The following KIAA0232 variants were observed in gnomAD, a reference collection of about 807,000 sequenced individuals.
The protein encoded by KIAA0232 is KIAA0232, also known as uncharacterized protein KIAA0232.
In KIAA0232, 27 loss-of-function variants were observed where a neutral mutation model predicts 122.0. That is an observed-to-expected ratio of 0.22 (90% CI 0.16 to 0.31). The LOEUF (loss-of-function observed/expected upper bound fraction) is 0.31, where lower values mean the gene tolerates loss of function less well. Ranked by LOEUF, KIAA0232 falls within the 10% of genes least tolerant of loss-of-function variation. KIAA0232 has a pLI of 1.00. For missense variants in KIAA0232, 1,551 were observed against 1,634.2 expected (o/e 0.95, Z 0.88); for synonymous variants, 613 against 587.6 (o/e 1.04, Z -0.63).
chr4:6,840,453 C>G (rs1185381128), intron 3 of KIAA0232, among the ~76,000 whole-genome samples: 1 of 152,166 alleles, frequency 6.6e-6, no homozygotes, highest in East Asian at 1.9e-4. Context: ...CCAGTGACTG[C>G]TGGTGTATTT....
chr4:6,821,252 G>A (rs1214899186), intron 2 of KIAA0232, among the ~76,000 whole-genome samples: 1 of 151,722 alleles, frequency 6.6e-6, no homozygotes, highest in Non-Finnish European at 1.5e-5. Flanking sequence ...TAGGTTTTTG[G>A]GGAACAGGTG....
intron 1 of KIAA0232, among the ~76,000 whole-genome samples, chr4:6,793,244 A>G (rs760967409): frequency 5.3e-5 from 8 of 152,194 alleles, no homozygotes; most frequent in Non-Finnish European, 1.0e-4. Flanking sequence ...TATATAAACA[A>G]CATTGCATAT....
chr4:6,832,479 G>C (rs1027673654), intron 3 of KIAA0232, among the ~76,000 whole-genome samples: 2 of 151,680 alleles, frequency 1.3e-5, no homozygotes, highest in African/African-American at 2.4e-5. Flanking sequence ...CACCCGAGTA[G>C]CTGGCATTAC....
At position 6,792,851 on chromosome 4, in the gene KIAA0232, G is replaced by A. The variant is rs537961149; in HGVS notation, c.-354+10010G>A. Reference sequence around the variant, plus strand: ...ACCACAGGTGCCCACCACCACGCCCGGCTAATGTTTTTGTATTTTTAGTAG... The same window carrying A: ...ACCACAGGTGCCCACCACCACGCCCAGCTAATGTTTTTGTATTTTTAGTAG... On this transcript the variant is annotated intron_variant, in intron 1 of 9. Coordinates refer to ENST00000307659, the MANE Select transcript of KIAA0232 (RefSeq NM_014743.3). Among the ~76,000 whole-genome samples the A allele has an allele frequency of 2.6e-4, 39 of 151,924 alleles. No individual in the cohort carries two copies. The Middle Eastern group carries it at 0.031, about 119-fold the overall frequency.
At chr4:6,840,419 G>A (rs1352484302) in intron 3 of KIAA0232, among the ~76,000 whole-genome samples, 2 of 152,168 alleles carry the variant, frequency 1.3e-5, no homozygotes, top group African/African-American at 2.4e-5. Flanking sequence ...TGTGAGGCAG[G>A]GGCGTATGCT....
At position 6,862,207 on chromosome 4, in the gene KIAA0232, G is replaced by C. The variant is rs201740172; in HGVS notation, c.1825G>C (p.Asp609His). ...TGCTGATGGGGAGAGTTTTGGAGGA[G>C]ACTCTCCAGTTAGACTCTCTCCCAT... is the stretch of plus-strand genomic sequence containing the variant. ...GDADGESFGG[D>H]SPVRLSPILD... Residue 609 changes from aspartate to histidine, a missense_variant, in exon 7 of 10, where the codon GAC becomes CAC. Around this residue, in one of 5 missense-constraint regions of KIAA0232, gnomAD observed 1,108 missense variants for 1,154.8 expected, o/e 0.96. Transcript: ENST00000307659. 1.2e-6 allele frequency: 2 copies of C among 1,614,096 alleles called. No individual in the cohort carries two copies. The highest frequency in any genetic ancestry group is 1.7e-6 in the Non-Finnish European group (2 of 1,180,012).
chr4:6,798,057 C>CAA (rs549805628), intron 1 of KIAA0232, among the ~76,000 whole-genome samples: 2 of 97,954 alleles, frequency 2.0e-5, no homozygotes, highest in African/African-American at 7.3e-5. Context: ...GACTCCGTCT[C>CAA]AAAAAAAAAA....
At chr4:6,866,528 C>T (rs530374197) in intron 7 of KIAA0232, among the ~76,000 whole-genome samples, 1 of 152,168 alleles carries the variant, frequency 6.6e-6, no homozygotes, top group African/African-American at 2.4e-5. Flanking sequence ...TGTTCTGTCA[C>T]ATTGCTTGGT....
rs1186013065 is a variant in KIAA0232 at position 6,882,625 on chromosome 4, G to GATT, written c.*1659_*1660insATT. 49 of 150,654 alleles carry GATT rather than the reference G, an allele frequency of 3.3e-4. No homozygotes were observed. Among genetic ancestry groups the GATT allele is most frequent in the African/African-American group, 1.2e-3 (47 of 40,836 alleles). The allele number at this position is 150,654 out of a possible 1,614,324, so 9.3% of individuals were successfully genotyped here. The stretch of plus-strand genomic sequence containing the variant: ...ATTTTTTGACACTTTAAGGTGGGTG[G>GATT]GTGTGTGTGTGTGTGTGTGTGTGCG... On this transcript the variant is annotated 3_prime_UTR_variant, in exon 10 of 10. Transcript: ENST00000307659.
intron 7 of KIAA0232, among the ~76,000 whole-genome samples, chr4:6,865,265 C>T (rs1229199462): frequency 6.6e-6 from 1 of 152,092 alleles, no homozygotes; most frequent in African/African-American, 2.4e-5. Flanking sequence ...GAGTGCCTAG[C>T]CTTTCTCCAG....
intron 2 of KIAA0232, among the ~76,000 whole-genome samples, chr4:6,814,816 T>C (rs1197501518): frequency 6.6e-6 from 1 of 152,218 alleles, no homozygotes; most frequent in African/African-American, 2.4e-5. Context: ...GAATTAAAGA[T>C]AACTCAAATG....
chr4:6,803,052 A>G (rs1717458049), intron 1 of KIAA0232, among the ~76,000 whole-genome samples: 1 of 148,450 alleles, frequency 6.7e-6, no homozygotes, highest in African/African-American at 2.5e-5. Context: ...TGGTGGGTGC[A>G]TGCTTGTGGT....
chr4:6,869,866 T>A (rs376519542), intron 7 of KIAA0232, among the ~76,000 whole-genome samples: 1 of 152,234 alleles, frequency 6.6e-6, no homozygotes, highest in South Asian at 2.1e-4. Context: ...CACTTTAGAT[T>A]TTAAACTTGA....
At chr4:6,786,333 G>T (rs1470280537) in intron 1 of KIAA0232, among the ~76,000 whole-genome samples, 1 of 152,126 alleles carries the variant, frequency 6.6e-6, no homozygotes, top group Non-Finnish European at 1.5e-5. Flanking sequence ...ACAGCATCTT[G>T]CTTTGTCACC....
Position 6,824,249 on chromosome 4 carries a change from A to G in KIAA0232, c.-205A>G, listed in dbSNP as rs1048093905. The G allele has an allele frequency of 3.4e-6, 2 of 595,832 alleles. No individual in the cohort carries two copies. The highest frequency in any genetic ancestry group is 3.7e-5 in the African/African-American group (2 of 53,812). 36.9% of individuals were successfully genotyped at this position (595,832 alleles called of 1,614,324 possible). On this transcript the variant is annotated 5_prime_UTR_variant, in exon 3 of 10. It removes an upstream start codon present in the reference 5' UTR. Coordinates refer to ENST00000307659, the MANE Select transcript of KIAA0232 (RefSeq NM_014743.3). ...AAAGTAGAAAATCACATCTACATGC[A>G]TGTTGCTATCAGGATGTTGATTCAT...
At position 6,863,839 on chromosome 4, in the gene KIAA0232, C is replaced by A; in HGVS notation, c.3457C>A (p.Pro1153Thr). 1 of 1,614,048 alleles carries A rather than the reference C, an allele frequency of 6.2e-7. No individual in the cohort carries two copies. Among genetic ancestry groups the A allele is most frequent in the Non-Finnish European group, 8.5e-7 (1 of 1,180,000 alleles). Residue 1153 changes from proline (P) to threonine (T), a missense_variant, in exon 7 of 10, where the codon CCT becomes ACT. Around this residue, in one of 5 missense-constraint regions of KIAA0232, gnomAD observed 1,108 missense variants for 1,154.8 expected, o/e 0.96. Coordinates refer to ENST00000307659, the MANE Select transcript of KIAA0232 (RefSeq NM_014743.3). ...TGAAGATCCGCAGGCAGATCTCAAA[C>A]CTTTGGAAGAAGATGCAGAGAAAGA... is the stretch of plus-strand genomic sequence containing the variant. ...IFEDPQADLKPLEEDAEKEGH... is the reference protein window; with the variant it reads ...IFEDPQADLKTLEEDAEKEGH...
intron 3 of KIAA0232, among the ~76,000 whole-genome samples, chr4:6,829,307 G>T (rs1342297851): frequency 1.3e-5 from 2 of 152,160 alleles, no homozygotes; most frequent in African/African-American, 4.8e-5. Context: ...TGGTTCAGAT[G>T]GTGTCTGCCA....
At chr4:6,832,467 G>A (rs1331937284) in intron 3 of KIAA0232, among the ~76,000 whole-genome samples, 1 of 151,306 alleles carries the variant, frequency 6.6e-6, no homozygotes, top group African/African-American at 2.4e-5. Flanking sequence ...TCCTGCCTCA[G>A]CCACCCGAGT....
chr4:6,849,070 T>C (rs894468503), intron 4 of KIAA0232, among the ~76,000 whole-genome samples: 8 of 152,176 alleles, frequency 5.3e-5, no homozygotes, highest in African/African-American at 1.7e-4. Context: ...CCTGACTTAC[T>C]TGCCAATCAG....
Sources: gnomAD v4.1 joint callset for allele counts (sites outside exome capture counted in the v4.1 genomes callset) on GRCh38, gnomAD v4.1.1 for gene constraint, gnomAD v4.1.1 regional missense constraint, MANE v1.5 for transcripts, NCBI Gene and HGNC (gene_info 2026-07-23, HGNC 2026-07-21) for gene names.